RPH3A: variants seen among roughly 807,000 people sequenced by gnomAD.
RPH3A encodes the protein rabphilin-3A.
In RPH3A, 48 loss-of-function variants were observed where a neutral mutation model predicts 102.2. That is an observed-to-expected ratio of 0.47 (90% confidence interval 0.37 to 0.60). The LOEUF (loss-of-function observed/expected upper bound fraction) is 0.60. Among genes scored for constraint, RPH3A ranks in the 20% least tolerant of loss-of-function variants. The pLI is 0.00. For missense variants in RPH3A, 781 were observed against 910.1 expected (o/e 0.86, Z 1.83); for synonymous variants, 310 against 324.3 (o/e 0.96, Z 0.47).
At chr12:112,844,295 G>A (rs897834988) in intron 4 of RPH3A, among the ~76,000 whole-genome samples, 4 of 152,316 alleles carry the variant, frequency 2.6e-5, no homozygotes, top group African/African-American at 9.6e-5. Flanking sequence ...TGGACTTGAT[G>A]AAGGAAGTGG....
intron 1 of RPH3A, among the ~76,000 whole-genome samples, chr12:112,654,237 C>T (rs2039995439): frequency 6.6e-6 from 1 of 152,176 alleles, no homozygotes; most frequent in Admixed American, 6.5e-5. Flanking sequence ...GATAATACAC[C>T]ATGAACATTC....
intron 5 of RPH3A, among the ~76,000 whole-genome samples, chr12:112,861,876 G>A (rs1368876138): frequency 6.6e-6 from 1 of 152,042 alleles, no homozygotes; most frequent in African/African-American, 2.4e-5. Flanking sequence ...AGCCAGGCGC[G>A]ATGGTGGGCG....
intron 3 of RPH3A, among the ~76,000 whole-genome samples, chr12:112,831,453 A>G (rs559828093): frequency 5.8e-4 from 88 of 152,154 alleles, no homozygotes; most frequent in Non-Finnish European, 1.2e-3. Context: ...ACTCTTAACG[A>G]CATCTTAATT....
At chr12:112,800,941 C>T (rs1442764133) in intron 2 of RPH3A, among the ~76,000 whole-genome samples, 3 of 152,144 alleles carry the variant, frequency 2.0e-5, no homozygotes, top group Admixed American at 2.0e-4. Context: ...TGCACGGTTC[C>T]CCTCTCCCCG....
At chr12:112,700,369 A>G (rs564499438) in intron 1 of RPH3A, among the ~76,000 whole-genome samples, 7 of 152,208 alleles carry the variant, frequency 4.6e-5, no homozygotes, top group Non-Finnish European at 1.0e-4. Context: ...GATATTATAG[A>G]TTGGTGAGAG....
intron 10 of RPH3A, among the ~76,000 whole-genome samples, chr12:112,871,233 GT>G (rs1234104985): frequency 1.7e-4 from 26 of 152,156 alleles, no homozygotes; most frequent in African/African-American, 6.0e-4. Flanking sequence ...CCATTTTCAT[GT>G]GTACAATTCA....
intron 1 of RPH3A, among the ~76,000 whole-genome samples, chr12:112,592,827 G>T (rs117529015): frequency 1.2e-4 from 19 of 152,090 alleles, no homozygotes; most frequent in Non-Finnish European, 2.6e-4. Flanking sequence ...GGGGCCACAC[G>T]ACTTATTCCT....
intron 2 of RPH3A, among the ~76,000 whole-genome samples, chr12:112,824,349 T>A (rs564240591): frequency 6.6e-6 from 1 of 152,158 alleles, no homozygotes; most frequent in African/African-American, 2.4e-5. Flanking sequence ...TGAGGGCGAT[T>A]CTCTGGAAAA....
At chr12:112,879,337 A>C (rs1192979132) in intron 14 of RPH3A, 139 bp downstream of exon 14, 2 of 766,148 alleles carry the variant, frequency 2.6e-6, no homozygotes, top group Non-Finnish European at 4.1e-6. Context: ...GAAGAGTCAC[A>C]GTAATTAGGC....
At chr12:112,668,601 T>C (rs971925634) in intron 1 of RPH3A, among the ~76,000 whole-genome samples, 3 of 151,324 alleles carry the variant, frequency 2.0e-5, no homozygotes, top group Non-Finnish European at 4.4e-5. Flanking sequence ...TAAGAGGGAG[T>C]TGAACAATGA....
In RPH3A at chr12:112,755,709, C is replaced by T. The variant is rs533052931; in HGVS notation, c.-139-36434C>T. Among the ~76,000 whole-genome samples the T allele has an allele frequency of 1.1e-4, 16 of 151,834 alleles. No individual in the cohort carries two copies. In the East Asian group the frequency reaches 1.3e-3, roughly 13 times the overall value. Reference sequence around the variant, plus strand: ...TGTAGCTTGCAGCTGAGAGAAGAGCCGCCCTGCTGAGCCCTGCCTTTTCAT... The same window carrying T: ...TGTAGCTTGCAGCTGAGAGAAGAGCTGCCCTGCTGAGCCCTGCCTTTTCAT... On this transcript the variant is annotated intron_variant, in intron 1 of 21. Transcript: ENST00000543106.
intron 10 of RPH3A, among the ~76,000 whole-genome samples, chr12:112,872,557 G>A (rs985957659): frequency 6.6e-6 from 1 of 151,982 alleles, no homozygotes; most frequent in Non-Finnish European, 1.5e-5. Flanking sequence ...TTTTGATGAA[G>A]CCCAGTTTCT....
At chr12:112,848,701 A>G (rs539421288) in intron 5 of RPH3A, among the ~76,000 whole-genome samples, 13 of 152,142 alleles carry the variant, frequency 8.5e-5, no homozygotes, top group South Asian at 2.1e-4. Flanking sequence ...TTGGGAGAGA[A>G]GCAAGGCTTA....
chr12:112,880,895 T>C (rs1453798168), intron 14 of RPH3A, among the ~76,000 whole-genome samples: 2 of 152,220 alleles, frequency 1.3e-5, no homozygotes, highest in African/African-American at 4.8e-5. Context: ...TATTTACTAT[T>C]CATTAAGTGG....
intron 7 of RPH3A, 95 bp from the exon 8 acceptor site, chr12:112,868,335 T>C (rs1376656959): frequency 3.9e-6 from 5 of 1,273,462 alleles, no homozygotes; most frequent in Admixed American, 4.1e-5. Flanking sequence ...TCAGTGTGCT[T>C]TGGATGAGGA....
intron 1 of RPH3A, among the ~76,000 whole-genome samples, chr12:112,603,065 A>C (rs1326814459): frequency 6.6e-6 from 1 of 152,146 alleles, no homozygotes; most frequent in Non-Finnish European, 1.5e-5. Context: ...GGTATGATCT[A>C]ATGGTAATAA....
intron 1 of RPH3A, among the ~76,000 whole-genome samples, chr12:112,776,337 G>A (rs180671217): frequency 6.6e-5 from 10 of 152,250 alleles, no homozygotes; most frequent in Admixed American, 2.0e-4. Context: ...CAATAAACAC[G>A]CTCTTATTGC....
intron 1 of RPH3A, among the ~76,000 whole-genome samples, chr12:112,778,109 C>G (rs974251360): frequency 6.6e-6 from 1 of 152,192 alleles, no homozygotes; most frequent in Admixed American, 6.5e-5. Context: ...ACACCTTCTT[C>G]TGAGTTCCAT....
Position 112,678,598 on chromosome 12 carries a change from C to G in RPH3A, c.-140+103279C>G, listed in dbSNP as rs537580967. On this transcript the variant is annotated intron_variant, in intron 1 of 21. Transcript: ENST00000543106. ...TATTTATTCCTGCTTGGACTCATCT[C>G]CTGTTAAAATCTATAATGGTCTGGA... Among the ~76,000 whole-genome samples the G allele has an allele frequency of 3.9e-5, 6 of 152,116 alleles. No homozygotes were observed. The South Asian group carries it at 1.3e-3, about 32-fold the overall frequency.
Sources: gnomAD v4.1 joint callset for allele counts (sites outside exome capture counted in the v4.1 genomes callset) on GRCh38, gnomAD v4.1.1 for gene constraint, MANE v1.5 for transcripts, NCBI Gene and HGNC (gene_info 2026-07-23, HGNC 2026-07-21) for gene names.